The following LYPLA1 variants were observed in gnomAD, a reference collection of about 807,000 sequenced individuals.
LYPLA1 encodes acyl-protein thioesterase 1.
In LYPLA1, 17 loss-of-function variants were observed where a neutral mutation model predicts 34.0. The observed-to-expected ratio is 0.50, with a 90% CI of 0.34 to 0.75. The LOEUF (loss-of-function observed/expected upper bound fraction) is 0.75. Among genes scored for constraint, LYPLA1 ranks in the 30% least tolerant of loss-of-function variants. LYPLA1 has a pLI of 0.01. For synonymous variants in LYPLA1, 98 were observed against 100.8 expected, an observed-to-expected ratio of 0.97 and a Z score of 0.17; for missense variants, 203 against 288.8, an observed-to-expected ratio of 0.70 and a Z score of 2.15.
intron 1 of LYPLA1, 53 bp from the exon 2 acceptor site, chr8:54,100,992 A>G: frequency 7.1e-7 from 1 of 1,411,110 alleles, no homozygotes; most frequent in African/African-American, 1.4e-5. Context: ...CCCACACAGG[A>G]TTGTTACACA....
chr8:54,051,265 A>C, intron 7 of LYPLA1, 77 bp from the exon 8 acceptor site: 2 of 1,178,394 alleles, frequency 1.7e-6, no homozygotes, highest in South Asian at 3.4e-5. Context: ...AAAATTGTAC[A>C]TAAATATGCA....
chr8:54,072,724 A>C (rs1398316901), intron 2 of LYPLA1, among the ~76,000 whole-genome samples: 3 of 152,108 alleles, frequency 2.0e-5, no homozygotes, highest in Non-Finnish European at 4.4e-5. Flanking sequence ...CATGCCTGTA[A>C]TCCCAGCACT....
intron 2 of LYPLA1, among the ~76,000 whole-genome samples, chr8:54,083,634 T>C (rs1808473897): frequency 6.6e-6 from 1 of 152,212 alleles, no homozygotes; most frequent in African/African-American, 2.4e-5. Context: ...ATAGACAACA[T>C]GTAAACAAAA....
chr8:54,090,829 C>A (rs1238076265), intron 2 of LYPLA1, among the ~76,000 whole-genome samples: 1 of 152,092 alleles, frequency 6.6e-6, no homozygotes, highest in East Asian at 1.9e-4. Context: ...GGGGTGGTTT[C>A]CCCCATGCTG....
chr8:54,062,144 C>T (rs1806681009), intron 5 of LYPLA1, 110 bp downstream of exon 5: 2 of 735,724 alleles, frequency 2.7e-6, no homozygotes, highest in Admixed American at 2.8e-5. Flanking sequence ...AGGCGTGAGC[C>T]ACCGTGCCCG....
intron 2 of LYPLA1, among the ~76,000 whole-genome samples, chr8:54,094,757 T>C (rs1006307445): frequency 1.3e-5 from 2 of 152,154 alleles, no homozygotes; most frequent in African/African-American, 4.8e-5. Flanking sequence ...AAAAGTCTTG[T>C]ACCATAAAGT....
At chr8:54,084,141 A>AAAAAAAAAAAAAAAAAAAAT (rs1554547936) in intron 2 of LYPLA1, among the ~76,000 whole-genome samples, 3 of 118,646 alleles carry the variant, frequency 2.5e-5, no homozygotes, top group African/African-American at 9.2e-5. Flanking sequence ...AAAATAAATA[A>AAAAAAAAAAAAAAAAAAAAT]ATATATATAT....
chr8:54,062,286 T>A lies in LYPLA1; in HGVS notation c.254A>T (p.Asp85Val). The A allele has an allele frequency of 6.2e-7, 1 of 1,607,324 alleles. No homozygotes were observed. The highest frequency in any genetic ancestry group is 8.5e-7 in the Non-Finnish European group (1 of 1,177,700). Residue 85 changes from aspartate to valine, a missense_variant, in exon 5 of 9, where the codon GAT becomes GTT. Physicochemically the swap from Asp to Val is radical, Grantham distance 152 (BLOSUM62 -3). Transcript: ENST00000316963. ...TGCTGCCTGTTTAATCCCAGATTCA[T>A]CCTCCTGTGAATCTGGTGAAAGCCC... ...IIGLSPDSQEDESGIKQAAEN... is the reference protein window; with the variant it reads ...IIGLSPDSQEVESGIKQAAEN...
chr8:54,043,261 T>G (rs1362560483), downstream of LYPLA1: 2 of 152,192 alleles, frequency 1.3e-5, no homozygotes, highest in African/African-American at 4.8e-5. Context: ...TTTCATTTTT[T>G]GAACCTTTTT....
chr8:54,082,388 G>A lies in LYPLA1; in HGVS notation c.102-16575C>T, dbSNP rs117195619. On this transcript the variant is annotated intron_variant, in intron 2 of 8. Coordinates refer to ENST00000316963, the MANE Select transcript of LYPLA1 (RefSeq NM_006330.4). ...GAAAATGAAAAGCATTTGGACTGGT[G>A]CGATCAAGAACTAATCCTTTTTTTA... is the stretch of plus-strand genomic sequence containing the variant. 3.8e-4 allele frequency among the ~76,000 whole-genome samples: 58 copies of A among 152,284 alleles called. No homozygotes were observed. The Middle Eastern group carries it at 0.01, about 27-fold the overall frequency.
chr8:54,087,566 A>G (rs78771723), intron 2 of LYPLA1, among the ~76,000 whole-genome samples: 20,131 of 152,246 alleles, frequency 0.13, 3,538 homozygotes, highest in African/African-American at 0.41. Context: ...ATACTACCAA[A>G]AGGGTGCAAA....
intron 5 of LYPLA1, among the ~76,000 whole-genome samples, chr8:54,056,829 C>G (rs1048518370): frequency 1.3e-5 from 2 of 152,124 alleles, no homozygotes; most frequent in African/African-American, 4.8e-5. Context: ...AGGAGAATCA[C>G]TTGAACTCGG....
intron 2 of LYPLA1, among the ~76,000 whole-genome samples, chr8:54,077,620 AC>A (rs1808004483): frequency 6.6e-6 from 1 of 152,202 alleles, no homozygotes; most frequent in South Asian, 2.1e-4. Context: ...ACATGGCGAA[AC>A]CCCGTCTCTA....
intron 6 of LYPLA1, chr8:54,053,383 C>T (rs538888754): frequency 1.3e-5 from 4 of 310,628 alleles, no homozygotes; most frequent in African/African-American, 4.3e-5. Flanking sequence ...TGTGAGCCAC[C>T]GTGCCTGGCC....
chr8:54,060,216 C>G (rs1806499793), intron 5 of LYPLA1, among the ~76,000 whole-genome samples: 1 of 152,078 alleles, frequency 6.6e-6, no homozygotes, highest in East Asian at 1.9e-4. Flanking sequence ...GCCTCTGCCT[C>G]CCAGGTTCAA....
Position 54,100,014 on chromosome 8 carries a change from G to A in LYPLA1, c.101+894C>T, listed in dbSNP as rs577319265. ...GGTTCATTTTAAAGAAAATTTAGTCGTTCTGGGGCTACTTTATCAAAATTT... is the reference window on the plus strand; with the variant it reads ...GGTTCATTTTAAAGAAAATTTAGTCATTCTGGGGCTACTTTATCAAAATTT... On this transcript the variant is annotated intron_variant, in intron 2 of 8. Transcript: ENST00000316963. Among the ~76,000 whole-genome samples, 4 of 152,110 alleles carry A rather than the reference G, an allele frequency of 2.6e-5. No individual in the cohort carries two copies. The South Asian group carries it at 8.3e-4, about 32-fold the overall frequency.
Position 54,063,382 on chromosome 8 carries a change from G to A in LYPLA1, c.168-7C>T. ...TGTAACAGGCCTAACAGGCCTACAT[G>A]GAAAAGAAAAAACAACAAAATCAGA... On this transcript the variant is annotated splice_polypyrimidine_tract_variant and splice_region_variant and intron_variant, in intron 3 of 8. Transcript: ENST00000316963. 6.6e-7 allele frequency: 1 copy of A among 1,521,866 alleles called. No individual in the cohort carries two copies. The highest frequency in any genetic ancestry group is 8.8e-7 in the Non-Finnish European group (1 of 1,130,064). 94.3% of individuals were successfully genotyped at this position (1,521,866 alleles called of 1,614,324 possible).
intron 2 of LYPLA1, among the ~76,000 whole-genome samples, chr8:54,089,491 CT>C (rs1441092240): frequency 5.5e-5 from 5 of 91,658 alleles, no homozygotes; most frequent in African/African-American, 1.9e-4. Flanking sequence ...TCAGACATCC[CT>C]GGGGGGGGGC....
At chr8:54,063,529 C>T (rs942983725) in intron 3 of LYPLA1, among the ~76,000 whole-genome samples, 154 bp from the exon 4 acceptor site, 1 of 152,248 alleles carries the variant, frequency 6.6e-6, no homozygotes, top group Non-Finnish European at 1.5e-5. Flanking sequence ...CACACCTGTA[C>T]AACTCTGCTT....
Sources: allele counts gnomAD v4.1 joint callset (sites outside exome capture counted in the v4.1 genomes callset), GRCh38; gene constraint gnomAD v4.1.1; transcripts MANE v1.5; gene names NCBI Gene and HGNC (gene_info 2026-07-23, HGNC 2026-07-21).